The following CFAP92 variants were observed in gnomAD, a reference collection of about 807,000 sequenced individuals.
The protein encoded by CFAP92 is uncharacterized protein CFAP92.
Under a neutral mutation model 106.3 loss-of-function variants are expected in CFAP92, and 86 were observed. The observed-to-expected ratio is 0.81, with a 90% CI of 0.68 to 0.97. The LOEUF (loss-of-function observed/expected upper bound fraction) is 0.97, where lower values mean the gene tolerates loss of function less well. Among genes scored for constraint, CFAP92 ranks in the 50% least tolerant of loss-of-function variants. The probability of loss-of-function intolerance (pLI) is 0.00; values close to 1 mark genes in which losing one functional copy is unlikely to be tolerated. For synonymous variants in CFAP92, 477 were observed against 506.4 expected, an observed-to-expected ratio of 0.94 and a Z score of 0.78; for missense variants, 1,204 against 1,283.8, an observed-to-expected ratio of 0.94 and a Z score of 0.95.
chr3:128,979,335 T>C (rs1943368299), intron 4 of CFAP92, among the ~76,000 whole-genome samples: 2 of 152,222 alleles, frequency 1.3e-5, no homozygotes, highest in African/African-American at 4.8e-5. Context: ...GGAACACTTT[T>C]ACACTGTTGG....
At chr3:128,961,277 C>T (rs1436385834) in intron 9 of CFAP92, among the ~76,000 whole-genome samples, 1 of 152,120 alleles carries the variant, frequency 6.6e-6, no homozygotes. Context: ...GTCGCTGTGC[C>T]CAGGGCAACT....
the CFAP92 span, among the ~76,000 whole-genome samples, chr3:129,018,274 G>A: frequency 0.071 from 10,795 of 152,216 alleles, 1,251 homozygotes; most frequent in African/African-American, 0.24. Flanking sequence ...AGTTAAATCC[G>A]GGGTTAGCAA....
At chr3:128,971,612 C>G (rs1265085596) in intron 7 of CFAP92, among the ~76,000 whole-genome samples, 179 bp from the exon 8 acceptor site, 5 of 152,192 alleles carry the variant, frequency 3.3e-5, no homozygotes, top group African/African-American at 7.2e-5. Flanking sequence ...ATATAGATGG[C>G]AGGCCCGTTG....
intron 2 of CFAP92, among the ~76,000 whole-genome samples, chr3:128,990,326 G>A (rs1944135272): frequency 4.6e-5 from 7 of 151,982 alleles, no homozygotes; most frequent in Admixed American, 3.9e-4. Context: ...GCGAAACCCC[G>A]TCTCTACTAA....
chr3:129,009,331 C>T, the CFAP92 span, among the ~76,000 whole-genome samples: 1 of 152,302 alleles, frequency 6.6e-6, no homozygotes, highest in African/African-American at 2.4e-5. Context: ...CAGGTACTCA[C>T]GTAGTGTTAC....
rs182409923 is a variant in CFAP92 at position 128,935,884 on chromosome 3, G to C, written c.2259-565C>G. On this transcript the variant is annotated intron_variant, in intron 10 of 15. Transcript: ENST00000645291. ...AGATAAAAATAATAGCAATTTAGAA[G>C]TATAAAAAATTAACTAAAAGGATAG... Among the ~76,000 whole-genome samples, 12 of 152,256 alleles carry C rather than the reference G, an allele frequency of 7.9e-5. No individual in the cohort carries two copies. In the South Asian group the frequency reaches 2.5e-3, roughly 32 times the overall value.
intron 15 of CFAP92, among the ~76,000 whole-genome samples, chr3:128,913,979 T>C (rs1004801808): frequency 3.3e-5 from 5 of 152,064 alleles, no homozygotes; most frequent in African/African-American, 1.2e-4. Flanking sequence ...AAGGCCTCAG[T>C]CTTACATGCC....
At chr3:129,018,477 T>C in the CFAP92 span, among the ~76,000 whole-genome samples, 4,649 of 152,362 alleles carry the variant, frequency 0.031, 97 homozygotes, top group Non-Finnish European at 0.047. Context: ...TGTCCACTTG[T>C]TTACATATTT....
intron 12 of CFAP92, among the ~76,000 whole-genome samples, chr3:128,926,757 A>C (rs1302776615): frequency 6.6e-6 from 1 of 152,168 alleles, no homozygotes; most frequent in Non-Finnish European, 1.5e-5. Context: ...AAATGAGGTC[A>C]TAAGGTTGGG....
At chr3:128,965,984 A>G (rs2107769784) in intron 8 of CFAP92, among the ~76,000 whole-genome samples, 1 of 152,304 alleles carries the variant, frequency 6.6e-6, no homozygotes, top group South Asian at 2.1e-4. Context: ...ATCATCTAGG[A>G]CACAATAGGA....
At chr3:129,010,697 C>T in the CFAP92 span, among the ~76,000 whole-genome samples, 1 of 151,906 alleles carries the variant, frequency 6.6e-6, no homozygotes, top group Admixed American at 6.5e-5. This position sits in a 1 kb window ranked among gnomAD's most constrained non-coding sequence, Gnocchi z 4.3. Context: ...TGAGTGGGGG[C>T]GAGCAGAGGG....
intron 15 of CFAP92, among the ~76,000 whole-genome samples, chr3:128,911,060 T>C (rs1440536199): frequency 6.6e-6 from 1 of 152,204 alleles, no homozygotes; most frequent in African/African-American, 2.4e-5. Context: ...TGTATGTATG[T>C]ATGTATTTAT....
Position 128,915,281 on chromosome 3 carries a change from T to C in CFAP92, c.3124-6A>G, listed in dbSNP as rs532280875. ...AGGGAGTTTTCCTTCCACTCCTAAA[T>C]TGGGGGAGTAAGTAAATCAGGAGGA... On this transcript the variant is annotated splice_polypyrimidine_tract_variant and splice_region_variant and intron_variant, in intron 14 of 15. Transcript: ENST00000645291. The C allele has an allele frequency of 2.9e-5, 45 of 1,536,070 alleles. No homozygotes were observed. Among genetic ancestry groups the C allele is most frequent in the Non-Finnish European group, 3.7e-5 (42 of 1,146,858 alleles).
At chr3:128,953,500 G>A (rs1315264737) in intron 9 of CFAP92, among the ~76,000 whole-genome samples, 1 of 151,680 alleles carries the variant, frequency 6.6e-6, no homozygotes, top group East Asian at 1.9e-4. Context: ...GGGCGACAGA[G>A]CAAGACTCTG....
intron 4 of CFAP92, among the ~76,000 whole-genome samples, chr3:128,984,773 C>T (rs1943747335): frequency 6.6e-6 from 1 of 152,202 alleles, no homozygotes; most frequent in Admixed American, 6.5e-5. Context: ...GATGTTTCTT[C>T]AAGACCAGCA....
chr3:128,975,692 T>C, intron 7 of CFAP92, 87 bp downstream of exon 7: 1 of 1,128,190 alleles, frequency 8.9e-7, no homozygotes, highest in Admixed American at 3.0e-5. Flanking sequence ...TGCAAGAATC[T>C]CATTGAAGTA....
chr3:128,978,784 C>G lies in CFAP92; in HGVS notation c.668-599G>C, dbSNP rs548188569. Among the ~76,000 whole-genome samples the G allele has an allele frequency of 2.2e-4, 34 of 152,330 alleles. 1 individual carries two copies. In the East Asian group the frequency reaches 6.4e-3, roughly 28 times the overall value. On this transcript the variant is annotated intron_variant, in intron 4 of 15. Coordinates refer to ENST00000645291, the MANE Select transcript of CFAP92 (RefSeq NM_001394090.1). ...AAGCTGAAACTGGATCCCTTCCTTA[C>G]ACCTTATACAAAAATTAATTCAAGA...
chr3:128,930,333 A>G (rs1336580460), intron 12 of CFAP92, among the ~76,000 whole-genome samples: 1 of 151,940 alleles, frequency 6.6e-6, no homozygotes, highest in African/African-American at 2.4e-5. Context: ...TTGTATTTTT[A>G]GTAGAGATGG....
rs1553751695 is a variant in CFAP92, at chr3:128,956,994, A to AAG, written c.1353+8516_1353+8517insCT. 7.0e-4 allele frequency among the ~76,000 whole-genome samples: 90 copies of AAG among 129,052 alleles called. 8 individuals carry two copies. The highest frequency in any genetic ancestry group is 7.2e-4 in the Non-Finnish European group (44 of 61,224). 84.7% of individuals were successfully genotyped at this position (129,052 alleles called of 152,430 possible). On this transcript the variant is annotated intron_variant, in intron 9 of 15. Transcript: ENST00000645291. ...GACTCTCTCAAAAAAAAAAAAAAAA[A>AAG]AAAGAAATCAACCCCATTCTATACC...
Sources: allele counts gnomAD v4.1 joint callset (sites outside exome capture counted in the v4.1 genomes callset), GRCh38; gene constraint gnomAD v4.1.1; non-coding constraint Gnocchi (gnomAD v3.1); transcripts MANE v1.5; gene names NCBI Gene and HGNC (gene_info 2026-07-23, HGNC 2026-07-21).